The following PCP4L1 variants were observed in gnomAD, a reference collection of about 807,000 sequenced individuals.
PCP4L1 encodes the protein Purkinje cell protein 4 like 1.
In PCP4L1, 9 loss-of-function variants were observed where a neutral mutation model predicts 9.6. That is an observed-to-expected ratio of 0.94 (90% CI 0.57 to 1.64). PCP4L1 has a LOEUF of 1.64. Among genes scored for constraint, PCP4L1 ranks in the 40% most tolerant of loss-of-function variants. The pLI is 0.00. For synonymous variants in PCP4L1, 31 were observed against 28.2 expected (o/e 1.10, Z -0.31); for missense variants, 81 against 80.8 (o/e 1.00, Z -0.01).
chr1:161,270,603 G>A (rs1429825202), intron 1 of PCP4L1, among the ~76,000 whole-genome samples: 7 of 148,924 alleles, frequency 4.7e-5, no homozygotes, highest in Non-Finnish European at 7.4e-5. Context: ...GCTAGGCGCA[G>A]TGGCTCATGC....
At chr1:161,265,629 A>G (rs1277575265) in intron 1 of PCP4L1, among the ~76,000 whole-genome samples, 1 of 150,964 alleles carries the variant, frequency 6.6e-6, no homozygotes, top group Middle Eastern at 3.4e-3. Context: ...TGAGTGCATG[A>G]TTTTCTAAAT....
intron 1 of PCP4L1, among the ~76,000 whole-genome samples, chr1:161,281,048 CG>C (rs1417640217): frequency 2.6e-5 from 4 of 152,042 alleles, no homozygotes; most frequent in Admixed American, 2.6e-4. Flanking sequence ...TGACTCTTAA[CG>C]AGCATGCTGC....
chr1:161,261,570 T>A (rs1669417389), intron 1 of PCP4L1, among the ~76,000 whole-genome samples: 1 of 152,238 alleles, frequency 6.6e-6, no homozygotes, highest in Non-Finnish European at 1.5e-5. Flanking sequence ...ATGAGAGATG[T>A]GTTCAGTCCC....
Position 161,258,928 on chromosome 1 carries a change from C to T in PCP4L1, c.-47C>T, listed in dbSNP as rs1018164606. 1 of 1,535,196 alleles carries T rather than the reference C, an allele frequency of 6.5e-7. No individual in the cohort carries two copies. Among genetic ancestry groups the T allele is most frequent in the Non-Finnish European group, 8.7e-7 (1 of 1,146,320 alleles). On this transcript the variant is annotated 5_prime_UTR_variant, in exon 1 of 3. Transcript: ENST00000504449. The stretch of plus-strand genomic sequence containing the variant: ...CCCGCGGAGCCCCGAGGGCCACTCG[C>T]CTCACCTGTGCGTGCAGCGCCTCGC...
At chr1:161,267,049 C>T (rs1017703721) in intron 1 of PCP4L1, among the ~76,000 whole-genome samples, 1 of 152,172 alleles carries the variant, frequency 6.6e-6, no homozygotes. Flanking sequence ...CACTAACTCT[C>T]CTGTCCCCCT....
intron 1 of PCP4L1, among the ~76,000 whole-genome samples, chr1:161,261,072 CT>C (rs1669408507): frequency 6.6e-6 from 1 of 152,150 alleles, no homozygotes; most frequent in African/African-American, 2.4e-5. Flanking sequence ...AGACTCCAAA[CT>C]GCTTCATTTC....
rs1329510496 is a variant in PCP4L1 at position 161,258,942 on chromosome 1, G to A, written c.-33G>A. On this transcript the variant is annotated 5_prime_UTR_variant, in exon 1 of 3. Coordinates refer to ENST00000504449, the MANE Select transcript of PCP4L1 (RefSeq NM_001102566.2). Reference sequence around the variant, plus strand: ...AGGGCCACTCGCCTCACCTGTGCGTGCAGCGCCTCGCGCGCCCTGTCCGGC... The same window carrying A: ...AGGGCCACTCGCCTCACCTGTGCGTACAGCGCCTCGCGCGCCCTGTCCGGC... 6.5e-7 allele frequency: 1 copy of A among 1,534,786 alleles called. No homozygotes were observed. Among genetic ancestry groups the A allele is most frequent in the Admixed American group, 2.0e-5 (1 of 50,940 alleles).
Position 161,265,504 on chromosome 1 carries a change from C to G in PCP4L1, c.9+6521C>G, listed in dbSNP as rs1429642816. Among the ~76,000 whole-genome samples, 3 of 151,754 alleles carry G rather than the reference C, an allele frequency of 2.0e-5. No individual in the cohort carries two copies. In the South Asian group the frequency reaches 6.2e-4, roughly 32 times the overall value. On this transcript the variant is annotated intron_variant, in intron 1 of 2. Coordinates refer to ENST00000504449, the MANE Select transcript of PCP4L1 (RefSeq NM_001102566.2). ...TGCCACTGCATTCCAGCTTAGGCAA[C>G]AGAGCACGACCCTGTCTCAGGGAAA...
At chr1:161,272,458 T>C (rs1044545874) in intron 1 of PCP4L1, among the ~76,000 whole-genome samples, 11 of 150,132 alleles carry the variant, frequency 7.3e-5, no homozygotes, top group Admixed American at 3.4e-4. Flanking sequence ...CGCGGGAGGC[T>C]GAGGCAGGAG....
chr1:161,259,043 C>T (rs1203937835), intron 1 of PCP4L1, 60 bp downstream of exon 1: 34 of 1,518,192 alleles, frequency 2.2e-5, no homozygotes, highest in Middle Eastern at 2.3e-4. Flanking sequence ...TGCTGCGGCT[C>T]GGGATCCCAG....
intron 1 of PCP4L1, among the ~76,000 whole-genome samples, chr1:161,282,333 A>C (rs1029016010): frequency 4.7e-5 from 7 of 147,910 alleles, no homozygotes; most frequent in Non-Finnish European, 9.0e-5. Flanking sequence ...CCGAGATGGC[A>C]GCAGTACAGT....
At chr1:161,264,944 T>C (rs1423122065) in intron 1 of PCP4L1, among the ~76,000 whole-genome samples, 1 of 152,192 alleles carries the variant, frequency 6.6e-6, no homozygotes, top group East Asian at 1.9e-4. Flanking sequence ...TCTGGTAGAA[T>C]ACTAGTCAGG....
At chr1:161,271,375 G>C (rs546401802) in intron 1 of PCP4L1, among the ~76,000 whole-genome samples, 11 of 152,150 alleles carry the variant, frequency 7.2e-5, no homozygotes, top group African/African-American at 2.6e-4. Flanking sequence ...CAAATATTTT[G>C]CCCATTTAAA....
At chr1:161,263,387 G>A (rs1165170895) in intron 1 of PCP4L1, among the ~76,000 whole-genome samples, 3 of 151,698 alleles carry the variant, frequency 2.0e-5, no homozygotes, top group South Asian at 4.2e-4. Flanking sequence ...ACAGGCACTC[G>A]CCACCACGCC....
At chr1:161,266,184 C>G (rs1365736132) in intron 1 of PCP4L1, among the ~76,000 whole-genome samples, 1 of 152,134 alleles carries the variant, frequency 6.6e-6, no homozygotes, top group Non-Finnish European at 1.5e-5. Flanking sequence ...CCCAGTACCC[C>G]ACCCAGGGAA....
At chr1:161,265,647 C>T (rs1379752803) in intron 1 of PCP4L1, among the ~76,000 whole-genome samples, 2 of 152,062 alleles carry the variant, frequency 1.3e-5, no homozygotes, top group Non-Finnish European at 2.9e-5. Flanking sequence ...AATCCATACT[C>T]CGACCTGCTG....
rs1178284073 is a variant in PCP4L1 at position 161,282,266 on chromosome 1, A to AAT, written c.10-1400_10-1399dup. Among the ~76,000 whole-genome samples, 12 of 152,222 alleles carry AAT rather than the reference A, an allele frequency of 7.9e-5. No homozygotes were observed. The East Asian group carries it at 2.3e-3, about 29-fold the overall frequency. ...GTCAGGCGTGGCGGCGCGCGCCTGC[A>AAT]ATAGCAGGCACTCGGCAGGCTGAGG... On this transcript the variant is annotated intron_variant, in intron 1 of 2. Transcript: ENST00000504449.
intron 1 of PCP4L1, among the ~76,000 whole-genome samples, chr1:161,274,456 G>C (rs926167202): frequency 3.3e-5 from 5 of 152,172 alleles, no homozygotes; most frequent in Non-Finnish European, 1.5e-5. Flanking sequence ...ACCTGTTACA[G>C]CTCTTGCAGT....
intron 1 of PCP4L1, among the ~76,000 whole-genome samples, chr1:161,263,517 G>A (rs561597058): frequency 3.3e-5 from 5 of 151,870 alleles, no homozygotes; most frequent in Non-Finnish European, 5.9e-5. Flanking sequence ...GGATTACAGG[G>A]GTGAGCCACT....
Sources: gnomAD v4.1 joint callset for allele counts (sites outside exome capture counted in the v4.1 genomes callset) on GRCh38, gnomAD v4.1.1 for gene constraint, MANE v1.5 for transcripts, NCBI Gene and HGNC (gene_info 2026-07-23, HGNC 2026-07-21) for gene names.